The following SRRM4 variants were observed in gnomAD, a reference collection of about 807,000 sequenced individuals.
The protein encoded by SRRM4 is serine/arginine repetitive matrix 4.
In SRRM4, 33 loss-of-function variants were observed where a neutral mutation model predicts 68.9. That is an observed-to-expected ratio of 0.48 (90% CI 0.36 to 0.64). The LOEUF (loss-of-function observed/expected upper bound fraction) is 0.64. SRRM4 is among the 30% of genes least tolerant of loss of function. The probability of loss-of-function intolerance (pLI) is 0.00; values close to 1 mark genes in which losing one functional copy is unlikely to be tolerated. For synonymous variants in SRRM4, 318 were observed against 318.8 expected, an observed-to-expected ratio of 1.00 and a Z score of 0.03; for missense variants, 817 against 827.1, an observed-to-expected ratio of 0.99 and a Z score of 0.15.
chr12:119,156,440 T>G, intron 12 of SRRM4, 55 bp from the exon 13 acceptor site: 2 of 1,518,758 alleles, frequency 1.3e-6, no homozygotes, highest in Non-Finnish European at 1.8e-6. Flanking sequence ...TGGGGCTCGC[T>G]GCGGGGAGGC....
rs1954507385 is a variant in SRRM4 at position 119,160,629 on chromosome 12, CTG to C, written c.*3832_*3833del. ...ATGGAAGTGCACTGGATGACAGAAA[CTG>C]AATACATTGCTCCCTTTCCCTAGGG... On this transcript the variant is annotated 3_prime_UTR_variant, in exon 13 of 13. Coordinates refer to ENST00000267260, the MANE Select transcript of SRRM4 (RefSeq NM_194286.4). 6.6e-6 allele frequency: 1 copy of C among 152,188 alleles called. No homozygotes were observed. Among genetic ancestry groups the C allele is most frequent in the African/African-American group, 2.4e-5 (1 of 41,452 alleles). The allele number at this position is 152,188 out of a possible 1,614,324, so 9.4% of individuals were successfully genotyped here. A position where few individuals can be genotyped will look rare whatever the true frequency, so the allele number is the denominator to read the frequency against.
At chr12:119,080,648 A>G (rs1240481783) in intron 1 of SRRM4, among the ~76,000 whole-genome samples, 2 of 152,214 alleles carry the variant, frequency 1.3e-5, no homozygotes, top group Non-Finnish European at 2.9e-5. Context: ...TAAGTTCCTT[A>G]GTCAAAATCA....
chr12:119,097,556 C>T (rs1954053638), intron 1 of SRRM4, among the ~76,000 whole-genome samples: 1 of 152,182 alleles, frequency 6.6e-6, no homozygotes, highest in Non-Finnish European at 1.5e-5. Flanking sequence ...TTGCAAAATT[C>T]CAGGTGGGAT....
chr12:119,048,909 G>A (rs1254134157), intron 1 of SRRM4, among the ~76,000 whole-genome samples: 1 of 152,226 alleles, frequency 6.6e-6, no homozygotes, highest in African/African-American at 2.4e-5. Context: ...GGGCAACAGA[G>A]TGAGACTCTG....
chr12:119,091,909 C>G (rs1295954041), intron 1 of SRRM4, among the ~76,000 whole-genome samples: 1 of 152,210 alleles, frequency 6.6e-6, no homozygotes, highest in Non-Finnish European at 1.5e-5. Flanking sequence ...TTCCTCTGGA[C>G]TGTGCACTTG....
intron 1 of SRRM4, among the ~76,000 whole-genome samples, chr12:119,014,605 A>G (rs1056653197): frequency 1.3e-5 from 2 of 152,184 alleles, no homozygotes; most frequent in African/African-American, 4.8e-5. Context: ...ATGCCACTCC[A>G]TGTTTTTAAA....
In SRRM4 at chr12:118,983,817, G is replaced by A. The variant is rs545225768; in HGVS notation, c.131+1804G>A. 2.5e-3 allele frequency among the ~76,000 whole-genome samples: 387 copies of A among 152,186 alleles called. 2 individuals are homozygous for A. Among genetic ancestry groups the A allele is most frequent in the Non-Finnish European group, 4.0e-3 (273 of 68,018 alleles). ...GGTCATATTTGCAATCACATGAATGGCCCACAAGGTCTTTCAACCCTCATC... is the reference window on the plus strand; with the variant it reads ...GGTCATATTTGCAATCACATGAATGACCCACAAGGTCTTTCAACCCTCATC... On this transcript the variant is annotated intron_variant, in intron 1 of 12. Transcript: ENST00000267260.
At chr12:119,138,515 A>G (rs1171885404) in intron 8 of SRRM4, among the ~76,000 whole-genome samples, 1 of 152,160 alleles carries the variant, frequency 6.6e-6, no homozygotes, top group African/African-American at 2.4e-5. Flanking sequence ...GCCTTGAGTG[A>G]TGGGGAACTG....
intron 8 of SRRM4, among the ~76,000 whole-genome samples, chr12:119,132,781 C>T (rs931533894): frequency 3.3e-5 from 5 of 152,096 alleles, no homozygotes; most frequent in African/African-American, 1.2e-4. Context: ...TAGCCTAATG[C>T]TCTGATTACT....
intron 1 of SRRM4, among the ~76,000 whole-genome samples, chr12:119,097,303 C>T (rs568386658): frequency 6.6e-6 from 1 of 152,166 alleles, no homozygotes; most frequent in Non-Finnish European, 1.5e-5. Context: ...TCCACTGCAG[C>T]GTTGAGTGAC....
chr12:119,029,116 G>T (rs1426772332), intron 1 of SRRM4, among the ~76,000 whole-genome samples: 2 of 152,110 alleles, frequency 1.3e-5, no homozygotes, highest in African/African-American at 4.8e-5. Context: ...TTTTTCATGA[G>T]AGGGATGGGT....
chr12:119,027,473 T>C (rs1228506387), intron 1 of SRRM4, among the ~76,000 whole-genome samples: 1 of 152,248 alleles, frequency 6.6e-6, no homozygotes, highest in Non-Finnish European at 1.5e-5. Flanking sequence ...AGAATGCTAG[T>C]AATCTTATCT....
intron 1 of SRRM4, among the ~76,000 whole-genome samples, chr12:119,066,689 A>ATCTGAT (rs1953848144): frequency 6.6e-6 from 1 of 152,252 alleles, no homozygotes; most frequent in Non-Finnish European, 1.5e-5. Flanking sequence ...AATCGTCTAC[A>ATCTGAT]GCCCTTCACC....
intron 1 of SRRM4, among the ~76,000 whole-genome samples, chr12:119,052,928 T>C (rs767610933): frequency 6.6e-6 from 1 of 152,200 alleles, no homozygotes; most frequent in Non-Finnish European, 1.5e-5. Flanking sequence ...TGCTATGTTT[T>C]TCAAATTTCT....
At position 119,130,150 on chromosome 12, in the gene SRRM4, T is replaced by C. The variant is rs55889427; in HGVS notation, c.615-528T>C. 5.0e-3 allele frequency among the ~76,000 whole-genome samples: 757 copies of C among 151,510 alleles called. 11 individuals carry two copies. Among genetic ancestry groups the C allele is most frequent in the African/African-American group, 0.018 (727 of 41,202 alleles). On this transcript the variant is annotated intron_variant, in intron 7 of 12. Transcript: ENST00000267260. ...ATGGATGAGTGGATGAACGGATGGATGGATGGATAGATGAATGAATGGTTG... is the reference window on the plus strand; with the variant it reads ...ATGGATGAGTGGATGAACGGATGGACGGATGGATAGATGAATGAATGGTTG...
intron 1 of SRRM4, among the ~76,000 whole-genome samples, chr12:119,008,132 T>A (rs1953426906): frequency 6.6e-6 from 1 of 152,180 alleles, no homozygotes; most frequent in Non-Finnish European, 1.5e-5. Context: ...CCTGGAGCAG[T>A]GGCTCATGCC....
intron 1 of SRRM4, among the ~76,000 whole-genome samples, chr12:119,088,709 G>T (rs1169393383): frequency 6.6e-6 from 1 of 152,046 alleles, no homozygotes; most frequent in Non-Finnish European, 1.5e-5. Context: ...CACAAAAGGA[G>T]GTTGGGATAG....
chr12:119,073,093 G>A (rs77374247), intron 1 of SRRM4, among the ~76,000 whole-genome samples: 3 of 147,810 alleles, frequency 2.0e-5, no homozygotes, highest in South Asian at 2.1e-4. Context: ...ACATGAAAAG[G>A]AAAAAAAAAA....
chr12:119,003,689 T>G (rs980778407), intron 1 of SRRM4, among the ~76,000 whole-genome samples: 3 of 151,944 alleles, frequency 2.0e-5, no homozygotes, highest in African/African-American at 7.2e-5. Context: ...GAAGGTCTTG[T>G]CACCCCCAGC....
Sources: gnomAD v4.1 joint callset for allele counts (sites outside exome capture counted in the v4.1 genomes callset) on GRCh38, gnomAD v4.1.1 for gene constraint, MANE v1.5 for transcripts, NCBI Gene and HGNC (gene_info 2026-07-23, HGNC 2026-07-21) for gene names.